Variants in ACTN3 observed in about 807,000 individuals in gnomAD.
ACTN3 encodes actinin alpha 3.
A neutral mutation model predicts 119.6 loss-of-function variants in ACTN3; 91 were observed. The ratio of observed to expected loss-of-function variants is 0.76; its 90% CI spans 0.64 to 0.91. ACTN3 has a LOEUF of 0.91. Among genes scored for constraint, ACTN3 ranks in the 40% least tolerant of loss-of-function variants. The pLI, the probability that ACTN3 is intolerant of heterozygous loss-of-function variation, is 0.00. For missense variants in ACTN3, 1,221 were observed against 1,215.1 expected (o/e 1.00, Z -0.07); for synonymous variants, 456 against 478.8 (o/e 0.95, Z 0.62).
At chr11:66,561,390 G>T in intron 16 of ACTN3, 29 bp downstream of exon 16, 1 of 1,606,322 alleles carries the variant, frequency 6.2e-7, no homozygotes, top group Non-Finnish European at 8.5e-7. Context: ...GGTCCAACCT[G>T]GGGGGATGGG....
chr11:66,551,016 C>G, intron 1 of ACTN3: 1 of 657,118 alleles, frequency 1.5e-6, no homozygotes, highest in Non-Finnish European at 2.8e-6. Flanking sequence ...TGAACTGGGA[C>G]CTGCATGGGT....
At chr11:66,554,440 T>C in intron 4 of ACTN3, 96 bp from the exon 5 acceptor site, 5 of 954,404 alleles carry the variant, frequency 5.2e-6, no homozygotes, top group East Asian at 5.4e-5. Context: ...TTGGATGACA[T>C]AGCAAGACCC....
Position 66,555,292 on chromosome 11 carries a change from C to A in ACTN3, c.643C>A (p.Pro215Thr). The A allele has an allele frequency of 6.2e-7, 1 of 1,614,038 alleles. No individual in the cohort carries two copies. The highest frequency in any genetic ancestry group is 1.1e-5 in the South Asian group (1 of 91,084). The change falls in exon 7 of 21, where the codon CCC (proline) becomes ACC (threonine). Residue 215 changes from proline (P) to threonine (T), a missense_variant. By Grantham distance (38) the Pro-to-Thr change is conservative (BLOSUM62 -1). Transcript: ENST00000513398. Reference sequence around the variant, plus strand: ...CTCCCTTACACCCTTCTAGGATGACCCCATCGGAAACCTGAACACTGCCTT... The same window carrying A: ...CTCCCTTACACCCTTCTAGGATGACACCATCGGAAACCTGAACACTGCCTT... The part of the protein sequence containing the change: ...IDYAKLRKDD[P>T]IGNLNTAFEV...
chr11:66,559,372 G>C lies in ACTN3; in HGVS notation c.1413G>C (p.Leu471=), dbSNP rs1435035169. 1 of 1,545,614 alleles carries C rather than the reference G, an allele frequency of 6.5e-7. No individual in the cohort carries two copies. The highest frequency in any genetic ancestry group is 2.5e-5 in the East Asian group (1 of 39,904). The change falls in exon 12 of 21, where the codon CTG becomes CTC. Residue 471 remains leucine (L), a synonymous_variant. Transcript: ENST00000513398. The stretch of plus-strand genomic sequence containing the variant: ...ACCGCGTGGAGCACATTGCCGCGCT[G>C]GCCCAGGAGCTCAAGTAGGCGGGGC... ...HQDRVEHIAA[L]AQELNELDYH...
At position 66,555,271 on chromosome 11, in the gene ACTN3, C is replaced by A. The variant is rs747912825; in HGVS notation, c.637-15C>A. ...TGCAGCTGACCTTTCACCCTCCTCC[C>A]TTACACCCTTCTAGGATGACCCCAT... On this transcript the variant is annotated splice_polypyrimidine_tract_variant and intron_variant, in intron 6 of 20. Transcript: ENST00000513398. 5 of 1,613,716 alleles carry A rather than the reference C, an allele frequency of 3.1e-6. No individual in the cohort carries two copies. The highest frequency in any genetic ancestry group is 1.7e-5 in the Admixed American group (1 of 59,992).
chr11:66,557,663 A>T, intron 9 of ACTN3, 36 bp from the exon 10 acceptor site: 2 of 1,579,014 alleles, frequency 1.3e-6, no homozygotes, highest in Non-Finnish European at 1.7e-6. Context: ...AGGTCAGCGC[A>T]GAGCTGTCTG....
chr11:66,555,995 G>A (rs905723738), intron 7 of ACTN3, 150 bp from the exon 8 acceptor site: 3 of 657,776 alleles, frequency 4.6e-6, no homozygotes, highest in Non-Finnish European at 7.7e-6. Flanking sequence ...TAAGGAGAGA[G>A]GGCTTCAAGG....
At chr11:66,546,889 G>A (rs777582163), upstream of ACTN3, 3 of 1,516,804 alleles carry the variant, frequency 2.0e-6, no homozygotes, top group Non-Finnish European at 2.6e-6. Flanking sequence ...AATGGGGCCC[G>A]GGTGTCCGAG....
intron 3 of ACTN3, 96 bp downstream of exon 3, chr11:66,551,743 A>G (rs779509439): frequency 8.6e-6 from 13 of 1,519,164 alleles, no homozygotes; most frequent in Non-Finnish European, 1.2e-5. Flanking sequence ...TCATCTCAGC[A>G]ATGAGAATAA....
chr11:66,560,235 C>T lies in ACTN3; in HGVS notation c.1601C>T (p.Pro534Leu), dbSNP rs765564727. 2.7e-5 allele frequency: 43 copies of T among 1,612,904 alleles called. No individual in the cohort carries two copies. In the East Asian group the frequency reaches 8.0e-4, roughly 30 times the overall value. Residue 534 changes from proline (P) to leucine (L), a missense_variant, in exon 14 of 21, where the codon CCC becomes CTC. Transcript: ENST00000513398. ...CTGGAGTTTGCCCGGCGGGCCGCGC[C>T]CTTCAACAACTGGCTGGATGGTGCC... The part of the protein sequence containing the change: ...LQLEFARRAA[P>L]FNNWLDGAVE...
chr11:66,549,202 C>G (rs556990882), intron 1 of ACTN3, among the ~76,000 whole-genome samples: 7 of 152,324 alleles, frequency 4.6e-5, no homozygotes, highest in African/African-American at 1.7e-4. Context: ...CTCACAGCCA[C>G]CGAGCACTTG....
chr11:66,561,781 T>C, intron 17 of ACTN3, 144 bp downstream of exon 17: 3 of 1,135,246 alleles, frequency 2.6e-6, no homozygotes, highest in Middle Eastern at 2.7e-4. Flanking sequence ...CGATGGAAAG[T>C]GACCCTTCCA....
intron 12 of ACTN3, 41 bp downstream of exon 12, chr11:66,559,427 C>G: frequency 7.0e-7 from 1 of 1,422,144 alleles, no homozygotes. Context: ...ACACCCCCGG[C>G]CCCGCCCCCG....
intron 10 of ACTN3, 41 bp from the exon 11 acceptor site, chr11:66,557,986 T>G (rs1857635551): frequency 6.2e-7 from 1 of 1,613,294 alleles, no homozygotes; most frequent in Non-Finnish European, 8.5e-7. Context: ...ATCTGTACAA[T>G]GGGCAAACCG....
chr11:66,561,259 A>G lies in ACTN3; in HGVS notation c.1893A>G (p.Thr631=). 1.3e-6 allele frequency: 2 copies of G among 1,598,382 alleles called. No homozygotes were observed. The highest frequency in any genetic ancestry group is 1.7e-5 in the Admixed American group (1 of 58,118). ...VRKLVPSCDQ[T]LQEELARQQV... is the part of the protein sequence containing the mutation. ...AGCTGGTGCCCAGCTGTGACCAGAC[A>G]CTGCAGGAGGAGCTGGCACGGCAGC... Residue 631 remains threonine, a synonymous_variant, in exon 16 of 21, where the codon ACA becomes ACG. Transcript: ENST00000513398.
chr11:66,548,525 G>A (rs936156065), intron 1 of ACTN3, among the ~76,000 whole-genome samples: 3 of 152,212 alleles, frequency 2.0e-5, no homozygotes, highest in African/African-American at 7.2e-5. Flanking sequence ...GGCTGGCACA[G>A]CATAGAGGAT....
intron 15 of ACTN3, 26 bp from the exon 16 acceptor site, chr11:66,561,198 TGGC>T: frequency 6.6e-7 from 1 of 1,507,730 alleles, no homozygotes. Context: ...CCCCCAGAGC[TGGC>T]TCTGGCATAA....
Position 66,562,135 on chromosome 11 carries a change from C to A in ACTN3, c.2289C>A (p.Asn763Lys), listed in dbSNP as rs377029613. The A allele has an allele frequency of 2.5e-6, 4 of 1,613,944 alleles. No homozygotes were observed. The highest frequency in any genetic ancestry group is 3.4e-6 in the Non-Finnish European group (4 of 1,179,980). Residue 763 changes from asparagine (N) to lysine (K), a missense_variant, in exon 18 of 21, where the codon AAC (asparagine) becomes AAA (lysine). Asn to Lys is a moderately conservative substitution (Grantham distance 94). Around this residue, in one of 3 missense-constraint regions of ACTN3, gnomAD observed 934 missense variants for 899.9 expected, o/e 1.04. Coordinates refer to ENST00000513398, the MANE Select transcript of ACTN3 (RefSeq NM_001104.4). ...DAKGLSQEQL[N>K]EFRASFNHFD... Reference sequence around the variant, plus strand: ...AGGGACTGAGCCAGGAGCAGCTCAACGAGTTCCGAGCATCCTTCAACCACT... The same window carrying A: ...AGGGACTGAGCCAGGAGCAGCTCAAAGAGTTCCGAGCATCCTTCAACCACT...
rs761777838 is a variant in ACTN3 at position 66,557,244 on chromosome 11, C to T, written c.897+19C>T. 48 of 1,549,868 alleles carry T rather than the reference C, an allele frequency of 3.1e-5. No individual in the cohort carries two copies. In the East Asian group the frequency reaches 5.6e-4, roughly 18 times the overall value. On this transcript the variant is annotated intron_variant, in intron 9 of 20. Transcript: ENST00000513398. ...CAGTGAGGTGAGGCTGGGCTCCCAC[C>T]GTGCTCTCCCCACCCCAGCCCTACT...
Sources: gnomAD v4.1 joint callset for allele counts (sites outside exome capture counted in the v4.1 genomes callset) on GRCh38, gnomAD v4.1.1 for gene constraint, gnomAD v4.1.1 regional missense constraint, MANE v1.5 for transcripts, NCBI Gene and HGNC (gene_info 2026-07-23, HGNC 2026-07-21) for gene names.